The following WIPF1 variants were observed in gnomAD, a reference collection of about 807,000 sequenced individuals.
WIPF1 encodes WAS/WASL interacting protein family member 1.
Under a neutral mutation model 35.4 loss-of-function variants are expected in WIPF1, and 13 were observed. The ratio of observed to expected loss-of-function variants is 0.37; its 90% CI spans 0.24 to 0.58. The LOEUF (loss-of-function observed/expected upper bound fraction) is 0.58. Among genes scored for constraint, WIPF1 ranks in the 20% least tolerant of loss-of-function variants. WIPF1 has a pLI of 0.74. For missense variants in WIPF1, 591 were observed against 667.0 expected, an observed-to-expected ratio of 0.89 and a Z score of 1.25; for synonymous variants, 267 against 266.3, an observed-to-expected ratio of 1.00 and a Z score of -0.02.
chr2:174,567,779 G>A lies in WIPF1; in HGVS notation c.1342+82C>T, dbSNP rs569519657. Reference sequence around the variant, plus strand: ...ATAATGATGGAACAAGAAATTAAACGCAAACAAGCAAACCACATATACAAA... The same window carrying A: ...ATAATGATGGAACAAGAAATTAAACACAAACAAGCAAACCACATATACAAA... On this transcript the variant is annotated intron_variant, in intron 6 of 7. Coordinates refer to ENST00000679041, the MANE Select transcript of WIPF1 (RefSeq NM_001375834.1). 9.8e-6 allele frequency: 14 copies of A among 1,426,534 alleles called. No individual in the cohort carries two copies. The East Asian group carries it at 1.4e-4, about 14-fold the overall frequency. 88.4% of individuals were successfully genotyped at this position (1,426,534 alleles called of 1,614,324 possible).
rs1016821353 is a variant in WIPF1, at chr2:174,586,395, A to G, written c.-38-784T>C. Among the ~76,000 whole-genome samples, 5 of 152,184 alleles carry G rather than the reference A, an allele frequency of 3.3e-5. No individual in the cohort carries two copies. The East Asian group carries it at 9.6e-4, about 29-fold the overall frequency. ...TAGCTTTGTTTGGGTAAAAAATTAT[A>G]TATAAATAAAATAAAAAAGAAGAGC... is the stretch of plus-strand genomic sequence containing the variant. On this transcript the variant is annotated intron_variant, in intron 1 of 7. Coordinates refer to ENST00000679041, the MANE Select transcript of WIPF1 (RefSeq NM_001375834.1).
chr2:174,591,743 T>C (rs1014287195), intron 1 of WIPF1, among the ~76,000 whole-genome samples: 7 of 151,628 alleles, frequency 4.6e-5, no homozygotes, highest in Non-Finnish European at 7.4e-5. Flanking sequence ...TCCTAGTTCA[T>C]TCTGTGAATG....
At chr2:174,578,078 CTTT>C (rs1053116128) in intron 3 of WIPF1, among the ~76,000 whole-genome samples, 1 of 152,020 alleles carries the variant, frequency 6.6e-6, no homozygotes, top group Non-Finnish European at 1.5e-5. Flanking sequence ...ACAGATAATT[CTTT>C]TTTGTGGGTG....
intron 1 of WIPF1, among the ~76,000 whole-genome samples, chr2:174,596,250 G>GA (rs1685819976): frequency 6.6e-6 from 1 of 152,182 alleles, no homozygotes; most frequent in African/African-American, 2.4e-5. Flanking sequence ...AAGAGCAATA[G>GA]AAAACCTGAC....
At chr2:174,672,033 G>A (rs934678163) in intron 1 of WIPF1, among the ~76,000 whole-genome samples, 1 of 151,968 alleles carries the variant, frequency 6.6e-6, no homozygotes, top group Non-Finnish European at 1.5e-5. Flanking sequence ...CAGCTTCAGG[G>A]GCATCATGGA....
chr2:174,561,954 A>G lies in WIPF1; in HGVS notation c.*593T>C, dbSNP rs1684495014. 1 of 1,121,826 alleles carries G rather than the reference A, an allele frequency of 8.9e-7. No homozygotes were observed. Among genetic ancestry groups the G allele is most frequent in the Non-Finnish European group, 1.3e-6 (1 of 796,322 alleles). The allele number at this position is 1,121,826 out of a possible 1,614,324, so 69.5% of individuals were successfully genotyped here. A position where few individuals can be genotyped will look rare whatever the true frequency, so the allele number is the denominator to read the frequency against. ...ACAGGTTGAAATATTTTGGATGCATATTAACTTCACTTGTTTAAAATATAT... is the reference window on the plus strand; with the variant it reads ...ACAGGTTGAAATATTTTGGATGCATGTTAACTTCACTTGTTTAAAATATAT... On this transcript the variant is annotated 3_prime_UTR_variant, in exon 8 of 8. Transcript: ENST00000679041.
At chr2:174,669,414 A>AT (rs1466269476) in intron 1 of WIPF1, among the ~76,000 whole-genome samples, 4 of 152,246 alleles carry the variant, frequency 2.6e-5, no homozygotes, top group African/African-American at 9.6e-5. Context: ...CAAAACTGAG[A>AT]TAACTGCACT....
At chr2:174,613,743 A>G (rs1686424492) in intron 1 of WIPF1, among the ~76,000 whole-genome samples, 1 of 152,192 alleles carries the variant, frequency 6.6e-6, no homozygotes, top group African/African-American at 2.4e-5. Context: ...GATAAGTAAG[A>G]AGGCAAACAT....
intron 1 of WIPF1, among the ~76,000 whole-genome samples, chr2:174,658,492 T>C (rs970742849): frequency 3.9e-5 from 6 of 152,134 alleles, no homozygotes; most frequent in African/African-American, 1.4e-4. Flanking sequence ...GAGAGGGTCA[T>C]GGCTGAGCCT....
At chr2:174,670,283 A>G (rs1193379801) in intron 1 of WIPF1, among the ~76,000 whole-genome samples, 1 of 152,138 alleles carries the variant, frequency 6.6e-6, no homozygotes, top group Non-Finnish European at 1.5e-5. Flanking sequence ...CTCCCCCATC[A>G]CAAGGAACCT....
chr2:174,605,991 AT>A (rs1260291306), intron 1 of WIPF1, among the ~76,000 whole-genome samples: 1 of 151,784 alleles, frequency 6.6e-6, no homozygotes, highest in Non-Finnish European at 1.5e-5. Context: ...TCTCAAAATA[AT>A]TTCTTTTGCT....
chr2:174,574,238 C>T (rs1466981010), intron 4 of WIPF1, among the ~76,000 whole-genome samples: 1 of 152,068 alleles, frequency 6.6e-6, no homozygotes, highest in Admixed American at 6.6e-5. Flanking sequence ...AATTTCTTCA[C>T]CTGTTGTTAA....
At position 174,562,062 on chromosome 2, in the gene WIPF1, A is replaced by G. The variant is rs1344472286; in HGVS notation, c.*485T>C. The G allele has an allele frequency of 4.5e-6, 7 of 1,550,456 alleles. No homozygotes were observed. The African/African-American group carries it at 9.6e-5, about 21-fold the overall frequency. ...CCTAGAGCCAAGCTCGGACTGCCAA[A>G]GATTGGACATCCTGTGACTGCAAGT... On this transcript the variant is annotated 3_prime_UTR_variant, in exon 8 of 8. Transcript: ENST00000679041.
rs1684827801 is a variant in WIPF1 at position 174,571,386 on chromosome 2, G to A, written c.1129+290C>T. 1.7e-6 allele frequency: 1 copy of A among 604,508 alleles called. No individual in the cohort carries two copies. The highest frequency in any genetic ancestry group is 2.9e-6 in the Non-Finnish European group (1 of 341,016). 37.4% of individuals were successfully genotyped at this position (604,508 alleles called of 1,614,324 possible). On this transcript the variant is annotated intron_variant, in intron 5 of 7. Transcript: ENST00000679041. The surrounding 1 kb of genome is among the most constrained non-coding windows in gnomAD (Gnocchi z 4.6). Reference sequence around the variant, plus strand: ...GTAGTGGACTGGCAAGTACACTTCAGAGATGGAAGATGAAAGTTCTTGCCT... The same window carrying A: ...GTAGTGGACTGGCAAGTACACTTCAAAGATGGAAGATGAAAGTTCTTGCCT...
intron 1 of WIPF1, among the ~76,000 whole-genome samples, chr2:174,615,669 C>A (rs543811578): frequency 1.3e-5 from 2 of 152,242 alleles, no homozygotes; most frequent in Non-Finnish European, 1.5e-5. Flanking sequence ...CTTAAACTTG[C>A]AGTTTCTAAA....
intron 1 of WIPF1, among the ~76,000 whole-genome samples, chr2:174,605,979 C>T (rs776297271): frequency 6.6e-6 from 1 of 151,962 alleles, no homozygotes; most frequent in Non-Finnish European, 1.5e-5. Context: ...TTACCTTTTA[C>T]TTCTCAAAAT....
intron 1 of WIPF1, among the ~76,000 whole-genome samples, chr2:174,630,202 T>C (rs1167942783): frequency 6.6e-6 from 1 of 152,228 alleles, no homozygotes; most frequent in Non-Finnish European, 1.5e-5. Flanking sequence ...TACAATGAGT[T>C]AACTTAAAAT....
In WIPF1 at chr2:174,669,594, T is replaced by C. The variant is rs116538510; in HGVS notation, c.-39+13180A>G. ...CTCAACATACATTAACGAAATTAAC[T>C]GTCAGAGCTGGGCGCCGTGGCTCAC... On this transcript the variant is annotated intron_variant, in intron 1 of 8. Coordinates refer to the WIPF1 transcript ENST00000272746. Among the ~76,000 whole-genome samples, 1,276 of 152,340 alleles carry C rather than the reference T, an allele frequency of 8.4e-3. 5 individuals are homozygous for C. The highest frequency in any genetic ancestry group is 0.014 in the Non-Finnish European group (953 of 68,026).
At chr2:174,659,254 A>G (rs1687708201) in intron 1 of WIPF1, among the ~76,000 whole-genome samples, 1 of 152,174 alleles carries the variant, frequency 6.6e-6, no homozygotes, top group South Asian at 2.1e-4. Flanking sequence ...GACTACAGAC[A>G]TGAGCCACCA....
Sources: gnomAD v4.1 joint callset for allele counts (sites outside exome capture counted in the v4.1 genomes callset) on GRCh38, gnomAD v4.1.1 for gene constraint, Gnocchi (gnomAD v3.1) non-coding constraint, MANE v1.5 for transcripts, NCBI Gene and HGNC (gene_info 2026-07-23, HGNC 2026-07-21) for gene names.